The following KANK1 variants were observed in gnomAD, a reference collection of about 807,000 sequenced individuals.
KANK1 encodes KN motif and ankyrin repeat domains 1.
KANK1 carries 109 observed loss-of-function variants against 106.2 expected under a neutral mutation model. The observed-to-expected ratio is 1.03, with a 90% CI of 0.88 to 1.20. The LOEUF is 1.20. Ranked by LOEUF, KANK1 falls within the 50% of genes most tolerant of loss-of-function variation. The pLI, the probability that KANK1 is intolerant of heterozygous loss-of-function variation, is 0.00. For missense variants in KANK1, 2,399 were observed against 1,710.7 expected (o/e 1.40, Z -7.10); for synonymous variants, 873 against 652.2 (o/e 1.34, Z -5.16).
chr9:730,328 C>A, intron 4 of KANK1, 80 bp downstream of exon 4: 1 of 1,333,346 alleles, frequency 7.5e-7, no homozygotes, highest in Admixed American at 1.7e-5. Flanking sequence ...TGTCAATGTA[C>A]CTTTTAAATT....
chr9:723,016 G>A (rs1829761305), intron 3 of KANK1, among the ~76,000 whole-genome samples: 1 of 152,194 alleles, frequency 6.6e-6, no homozygotes, highest in Admixed American at 6.5e-5. Context: ...AGAGAAGATA[G>A]AATTTGGGCC....
intron 1 of KANK1, among the ~76,000 whole-genome samples, chr9:593,395 T>A (rs77898498): frequency 6.6e-6 from 1 of 151,804 alleles, no homozygotes; most frequent in African/African-American, 2.4e-5. Flanking sequence ...CTGAGTTTAT[T>A]GTATATACTT....
chr9:619,209 G>C (rs16921220), intron 1 of KANK1, among the ~76,000 whole-genome samples: 47,036 of 152,038 alleles, frequency 0.31, 7,980 homozygotes, highest in Admixed American at 0.42. Context: ...CAGTGCTTTT[G>C]AATTTCAGAG....
At chr9:694,859 G>C (rs553603547) in intron 2 of KANK1, among the ~76,000 whole-genome samples, 1 of 152,138 alleles carries the variant, frequency 6.6e-6, no homozygotes, top group East Asian at 1.9e-4. Flanking sequence ...TGAGTGGGAC[G>C]TGCAGAGGGG....
intron 2 of KANK1, chr9:686,894 A>T (rs1818708760): frequency 1.0e-6 from 1 of 985,214 alleles, no homozygotes; most frequent in African/African-American, 1.7e-5. Flanking sequence ...TAAATGAAGA[A>T]TCCTGAGACT....
At chr9:656,254 C>T (rs901913534) in intron 1 of KANK1, among the ~76,000 whole-genome samples, 5 of 152,166 alleles carry the variant, frequency 3.3e-5, no homozygotes, top group East Asian at 1.9e-4. Context: ...CTGTCAGAGC[C>T]TGTTCAGAAG....
chr9:705,591 A>AT (rs147757720), intron 2 of KANK1, among the ~76,000 whole-genome samples: 3 of 147,618 alleles, frequency 2.0e-5, no homozygotes, highest in African/African-American at 5.0e-5. Context: ...AAAAATGTAT[A>AT]TTTTTTTTGG....
At chr9:503,001 A>AT (rs35195436), upstream of KANK1, among the ~76,000 whole-genome samples, 288 of 70,234 alleles carry the variant, frequency 4.1e-3, 4 homozygotes, top group Admixed American at 0.011. Flanking sequence ...CGCCCAGCTG[A>AT]TTTTTTTTTT....
At chr9:639,046 G>T (rs1837781817) in intron 1 of KANK1, among the ~76,000 whole-genome samples, 1 of 152,140 alleles carries the variant, frequency 6.6e-6, no homozygotes, top group African/African-American at 2.4e-5. Flanking sequence ...ACACCTCAGT[G>T]TAAGTCTTAC....
rs556239587 is a variant in KANK1, at chr9:499,566, G to C, written c.-362+26293G>C. On this transcript the variant is annotated intron_variant, in intron 3 of 15. Transcript: ENST00000382303. ...GCTACCAACTGCCATCCTTGCAGAG[G>C]GGGCTCCTGCAAATCTTTTACCTTG... Among the ~76,000 whole-genome samples the C allele has an allele frequency of 7.9e-5, 12 of 152,256 alleles. No individual in the cohort carries two copies. In the East Asian group the frequency reaches 2.3e-3, roughly 29 times the overall value.
At chr9:566,963 T>A (rs1250621722) in intron 1 of KANK1, among the ~76,000 whole-genome samples, 1 of 152,184 alleles carries the variant, frequency 6.6e-6, no homozygotes, top group African/African-American at 2.4e-5. Flanking sequence ...TAGGTTATCA[T>A]CCAGGTTTTT....
chr9:501,599 C>T (rs1181213477), upstream of KANK1, among the ~76,000 whole-genome samples: 2 of 139,278 alleles, frequency 1.4e-5, no homozygotes, highest in African/African-American at 3.1e-5. Flanking sequence ...CAGGTATTCG[C>T]CCACGCACAG....
chr9:664,764 G>A (rs1844182946), intron 1 of KANK1, among the ~76,000 whole-genome samples: 1 of 152,108 alleles, frequency 6.6e-6, no homozygotes, highest in African/African-American at 2.4e-5. Context: ...GTTTTCTATA[G>A]TGGCTGTACT....
chr9:518,523 A>AAC (rs1368573037), intron 1 of KANK1, among the ~76,000 whole-genome samples: 3 of 151,724 alleles, frequency 2.0e-5, no homozygotes, highest in Admixed American at 6.6e-5. Context: ...CTAGAATCGA[A>AAC]ACTCTACTAT....
intron 1 of KANK1, among the ~76,000 whole-genome samples, chr9:638,822 T>C (rs1837727885): frequency 6.6e-6 from 1 of 152,216 alleles, no homozygotes; most frequent in Non-Finnish European, 1.5e-5. Flanking sequence ...AGAATTATTC[T>C]TCTCTCTGCC....
In KANK1 at chr9:528,270, A is replaced by C. The variant is rs541045436; in HGVS notation, c.-84+23516A>C. ...AACTTAATGTTTTTCAATTATTGGA[A>C]CATTTAAAAAATTATATTTAGATAA... On this transcript the variant is annotated intron_variant, in intron 1 of 11. Transcript: ENST00000382297. Among the ~76,000 whole-genome samples the C allele has an allele frequency of 3.9e-5, 6 of 152,120 alleles. No individual in the cohort carries two copies. The South Asian group carries it at 1.2e-3, about 32-fold the overall frequency.
At chr9:667,451 T>C (rs1451140306) in intron 1 of KANK1, among the ~76,000 whole-genome samples, 2 of 152,032 alleles carry the variant, frequency 1.3e-5, no homozygotes, top group Non-Finnish European at 2.9e-5. Flanking sequence ...CCTAGTAAAT[T>C]TGGGTTTGGC....
At chr9:577,593 G>T (rs561830696) in intron 1 of KANK1, among the ~76,000 whole-genome samples, 1 of 152,170 alleles carries the variant, frequency 6.6e-6, no homozygotes, top group African/African-American at 2.4e-5. Context: ...CAGATAGCTT[G>T]TGCCCACCCT....
chr9:729,907 G>C (rs997963984), intron 3 of KANK1, 144 bp from the exon 4 acceptor site: 27 of 673,806 alleles, frequency 4.0e-5, no homozygotes, highest in Non-Finnish European at 6.0e-5. Context: ...AATCAGGAAA[G>C]CTGGAGCGTC....
Sources: allele counts gnomAD v4.1 joint callset (sites outside exome capture counted in the v4.1 genomes callset), GRCh38; gene constraint gnomAD v4.1.1; transcripts MANE v1.5; gene names NCBI Gene and HGNC (gene_info 2026-07-23, HGNC 2026-07-21).